FAM20A: variants seen among roughly 807,000 people sequenced by gnomAD.
FAM20A encodes the protein FAM20A golgi associated secretory pathway pseudokinase.
FAM20A carries 42 observed loss-of-function variants against 52.0 expected under a neutral mutation model. That is an observed-to-expected ratio of 0.81 (90% confidence interval 0.63 to 1.04). The LOEUF (loss-of-function observed/expected upper bound fraction) is 1.04, where lower values mean the gene tolerates loss of function less well. FAM20A is among the 50% of genes least tolerant of loss of function. The probability of loss-of-function intolerance (pLI) is 0.00; values close to 1 mark genes in which losing one functional copy is unlikely to be tolerated. For missense variants in FAM20A, 742 were observed against 712.7 expected, an observed-to-expected ratio of 1.04 and a Z score of -0.47; for synonymous variants, 304 against 298.9, an observed-to-expected ratio of 1.02 and a Z score of -0.18.
intron 1 of FAM20A, among the ~76,000 whole-genome samples, chr17:68,563,044 A>G (rs2087260195): frequency 6.6e-6 from 1 of 152,142 alleles, no homozygotes; most frequent in South Asian, 2.1e-4. Flanking sequence ...AACGGAATGG[A>G]TCCCTTTCCT....
intron 4 of FAM20A, among the ~76,000 whole-genome samples, chr17:68,548,457 G>A (rs1368665160): frequency 6.6e-6 from 1 of 152,028 alleles, no homozygotes; most frequent in East Asian, 1.9e-4. Flanking sequence ...TTGAACCCAG[G>A]AGGCAGAGGT....
chr17:68,553,744 A>ACACATATAT (rs1209788795), intron 3 of FAM20A, among the ~76,000 whole-genome samples: 1 of 149,744 alleles, frequency 6.7e-6, no homozygotes, highest in African/African-American at 2.5e-5. Flanking sequence ...ACATATATAT[A>ACACATATAT]CACATATATA....
intron 1 of FAM20A, among the ~76,000 whole-genome samples, chr17:68,570,100 G>A (rs573960788): frequency 1.3e-5 from 2 of 152,256 alleles, no homozygotes; most frequent in South Asian, 2.1e-4. Flanking sequence ...TTCTGAGACT[G>A]AGTCTTGCTT....
In FAM20A at chr17:68,552,099, G is replaced by A. The variant is rs111406487; in HGVS notation, c.641-148C>T. The stretch of plus-strand genomic sequence containing the variant: ...AGGATGTGCTCTCCATAGCCTGCAG[G>A]GTAAACGCCATGGTGTCAGGCCGTA... On this transcript the variant is annotated intron_variant, in intron 3 of 10. Transcript: ENST00000592554. 1.9e-3 allele frequency: 1,272 copies of A among 685,338 alleles called. 13 individuals carry two copies. In the African/African-American group the frequency reaches 0.021, roughly 11 times the overall value. The allele number at this position is 685,338 out of a possible 1,614,324, so 42.5% of individuals were successfully genotyped here.
At chr17:68,559,116 A>G (rs1242654105) in intron 1 of FAM20A, among the ~76,000 whole-genome samples, 2 of 152,204 alleles carry the variant, frequency 1.3e-5, no homozygotes, top group Non-Finnish European at 2.9e-5. Flanking sequence ...CTTCTGACCT[A>G]TAGGACAAAT....
At chr17:68,587,728 G>T (rs1194997369) in intron 1 of FAM20A, among the ~76,000 whole-genome samples, 1 of 152,164 alleles carries the variant, frequency 6.6e-6, no homozygotes, top group Non-Finnish European at 1.5e-5. Flanking sequence ...GAATTATAAA[G>T]ACCAATATTT....
chr17:68,585,357 C>G (rs1439694139), intron 1 of FAM20A, among the ~76,000 whole-genome samples: 1 of 152,098 alleles, frequency 6.6e-6, no homozygotes, highest in Non-Finnish European at 1.5e-5. Flanking sequence ...CTCTGCCTCC[C>G]ACACTTCCGA....
At chr17:68,572,862 A>G (rs2087604105) in intron 1 of FAM20A, among the ~76,000 whole-genome samples, 1 of 152,010 alleles carries the variant, frequency 6.6e-6, no homozygotes, top group South Asian at 2.1e-4. Context: ...CTCCTCGCCC[A>G]TTTATCTCTG....
intron 1 of FAM20A, among the ~76,000 whole-genome samples, chr17:68,572,009 T>TGTAGC (rs1568762469): frequency 2.1e-5 from 1 of 48,416 alleles, no homozygotes; most frequent in Non-Finnish European, 4.7e-5. Context: ...TATATATATA[T>TGTAGC]ATATATATAT....
At position 68,600,252 on chromosome 17, in the gene FAM20A, G is replaced by T; in HGVS notation, c.404+11C>A. On this transcript the variant is annotated intron_variant, in intron 1 of 10. Transcript: ENST00000592554. The surrounding 1 kb of genome is among the most constrained non-coding windows in gnomAD (Gnocchi z 6.2). ...GCGCCCGCTCTCCCGCGTCCCGGGC[G>T]GGGTCCTCACCTGTTCCAGCGGGCC... is the stretch of plus-strand genomic sequence containing the variant. 6.4e-7 allele frequency: 1 copy of T among 1,556,598 alleles called. No homozygotes were observed. Among genetic ancestry groups the T allele is most frequent in the South Asian group, 1.2e-5 (1 of 84,482 alleles).
Position 68,536,401 on chromosome 17 carries a change from C to A in FAM20A, c.*1076G>T, listed in dbSNP as rs933543877. On this transcript the variant is annotated 3_prime_UTR_variant, in exon 11 of 11. Coordinates refer to ENST00000592554, the MANE Select transcript of FAM20A (RefSeq NM_017565.4). ...AATTATGGAATAAGAAACAAAGCCT[C>A]CTATTAAAAGGAGTTTCAGATATCA... 8.4e-5 allele frequency: 38 copies of A among 453,942 alleles called. No homozygotes were observed. The highest frequency in any genetic ancestry group is 1.6e-4 in the Non-Finnish European group (36 of 226,770). 28.1% of individuals were successfully genotyped at this position (453,942 alleles called of 1,614,324 possible).
intron 3 of FAM20A, among the ~76,000 whole-genome samples, chr17:68,553,870 A>G (rs969393062): frequency 6.7e-6 from 1 of 148,764 alleles, no homozygotes; most frequent in African/African-American, 2.5e-5. Context: ...ATATATACAC[A>G]CATGCATATA....
Position 68,555,729 on chromosome 17 carries a change from T to C in FAM20A, c.419A>G (p.Tyr140Cys). Reference sequence around the variant, plus strand: ...GGAGGTAAGGTTCATCTGCTCTCTGTACATCTTGTGTCGCCTGAAAGAGCC... The same window carrying C: ...GGAGGTAAGGTTCATCTGCTCTCTGCACATCTTGTGTCGCCTGAAAGAGCC... ...VARWNRRHKM[Y>C]REQMNLTSLD... The change falls in exon 2 of 11, where the codon TAC (tyrosine) becomes TGC (cysteine). Residue 140 changes from tyrosine to cysteine, a missense_variant. Transcript: ENST00000592554. 6.2e-7 allele frequency: 1 copy of C among 1,614,052 alleles called. No homozygotes were observed. Among genetic ancestry groups the C allele is most frequent in the East Asian group, 2.2e-5 (1 of 44,886 alleles).
At chr17:68,582,666 T>C (rs2088041453) in intron 1 of FAM20A, 1 of 152,298 alleles carries the variant, frequency 6.6e-6, no homozygotes, top group Non-Finnish European at 1.5e-5. Flanking sequence ...GACTCCATCT[T>C]CCCAGCCACC....
In FAM20A at chr17:68,552,664, T is replaced by TCAAA. The variant is rs1568739134; in HGVS notation, c.641-714_641-713insTTTG. Among the ~76,000 whole-genome samples the TCAAA allele has an allele frequency of 6.9e-4, 84 of 122,040 alleles. 2 individuals are homozygous for TCAAA. Among genetic ancestry groups the TCAAA allele is most frequent in the African/African-American group, 7.2e-4 (23 of 31,896 alleles). The allele number at this position is 122,040 out of a possible 152,430, so 80.1% of individuals were successfully genotyped here. A position where few individuals can be genotyped will look rare whatever the true frequency, so the allele number is the denominator to read the frequency against. ...CCTGGAGCCCTGTAAACCTTTATTT[T>TCAAA]CCTTTTTTTTTTTTTTTTTTTTTTT... is the stretch of plus-strand genomic sequence containing the variant. On this transcript the variant is annotated intron_variant, in intron 3 of 10. Coordinates refer to ENST00000592554, the MANE Select transcript of FAM20A (RefSeq NM_017565.4).
intron 1 of FAM20A, among the ~76,000 whole-genome samples, chr17:68,583,546 A>G (rs1485837399): frequency 6.6e-6 from 1 of 152,156 alleles, no homozygotes; most frequent in East Asian, 1.9e-4. Flanking sequence ...CTTAGGGGTC[A>G]CTGGATAAGT....
At position 68,594,265 on chromosome 17, in the gene FAM20A, G is replaced by A. The variant is rs556162759; in HGVS notation, c.404+5998C>T. On this transcript the variant is annotated intron_variant, in intron 1 of 10. Transcript: ENST00000592554. ...ATACAAAAAGTTAGCTGGGCGTAGTGGCGGGCGCCTGTAGTCCCAGCTACT... is the reference window on the plus strand; with the variant it reads ...ATACAAAAAGTTAGCTGGGCGTAGTAGCGGGCGCCTGTAGTCCCAGCTACT... Among the ~76,000 whole-genome samples the A allele has an allele frequency of 6.0e-3, 909 of 151,828 alleles. 8 individuals carry two copies. Among genetic ancestry groups the A allele is most frequent in the African/African-American group, 0.021 (855 of 41,510 alleles).
At chr17:68,546,086 T>C (rs2086543513) in intron 4 of FAM20A, among the ~76,000 whole-genome samples, 1 of 149,694 alleles carries the variant, frequency 6.7e-6, no homozygotes, top group African/African-American at 2.5e-5. Context: ...GGAGAATTGT[T>C]TGAACCCAGG....
Position 68,539,337 on chromosome 17 carries a change from A to C in FAM20A, c.1361T>G (p.Met454Arg). 1.2e-6 allele frequency: 2 copies of C among 1,614,046 alleles called. No individual in the cohort carries two copies. The highest frequency in any genetic ancestry group is 8.5e-7 in the Non-Finnish European group (1 of 1,179,870). The change falls in exon 10 of 11, where the codon ATG (methionine) becomes AGG (arginine). Residue 454 changes from methionine to arginine, a missense_variant and splice_region_variant. Coordinates refer to ENST00000592554, the MANE Select transcript of FAM20A (RefSeq NM_017565.4). ...TATTATCTGCTGCAGGAAAACTTACATGCAGCACTGGGAGAGAGGCGAGAG... is the reference window on the plus strand; with the variant it reads ...TATTATCTGCTGCAGGAAAACTTACCTGCAGCACTGGGAGAGAGGCGAGAG... ...SILSPLSQCC[M>R]IKKKTLLHLQ...
Sources: allele counts gnomAD v4.1 joint callset (sites outside exome capture counted in the v4.1 genomes callset), GRCh38; gene constraint gnomAD v4.1.1; non-coding constraint Gnocchi (gnomAD v3.1); transcripts MANE v1.5; gene names NCBI Gene and HGNC (gene_info 2026-07-23, HGNC 2026-07-21).